The following STAB2 variants were observed in gnomAD, a reference collection of about 807,000 sequenced individuals.
The protein encoded by STAB2 is stabilin-2.
Under a neutral mutation model 338.1 loss-of-function variants are expected in STAB2, and 288 were observed. The ratio of observed to expected loss-of-function variants is 0.85; its 90% CI spans 0.77 to 0.94. The LOEUF (loss-of-function observed/expected upper bound fraction) is 0.94, where lower values mean the gene tolerates loss of function less well. Ranked by LOEUF, STAB2 falls within the 40% of genes least tolerant of loss-of-function variation. STAB2 has a pLI of 0.00. For missense variants in STAB2, 3,141 were observed against 3,210.1 expected, an observed-to-expected ratio of 0.98 and a Z score of 0.52; for synonymous variants, 1,202 against 1,193.3, an observed-to-expected ratio of 1.01 and a Z score of -0.15.
intron 23 of STAB2, among the ~76,000 whole-genome samples, chr12:103,675,631 CAG>C (rs1876265439): frequency 6.6e-6 from 1 of 152,248 alleles, no homozygotes; most frequent in Non-Finnish European, 1.5e-5. Flanking sequence ...ATTTAACCTT[CAG>C]CCTTATATGG....
chr12:103,620,340 C>A, intron 3 of STAB2, 128 bp from the exon 4 acceptor site: 1 of 804,232 alleles, frequency 1.2e-6, no homozygotes, highest in Non-Finnish European at 2.0e-6. Flanking sequence ...CCCTAGATGA[C>A]ACCAACAGGT....
At chr12:103,680,565 CCA>C (rs1876806084) in intron 25 of STAB2, among the ~76,000 whole-genome samples, 1 of 152,218 alleles carries the variant, frequency 6.6e-6, no homozygotes, top group South Asian at 2.1e-4. Context: ...CTCCAAAAAG[CCA>C]GGATTCATTC....
chr12:103,666,370 C>T lies in STAB2; in HGVS notation c.2085+17C>T. 6.2e-7 allele frequency: 1 copy of T among 1,614,030 alleles called. No homozygotes were observed. Among genetic ancestry groups the T allele is most frequent in the Non-Finnish European group, 8.5e-7 (1 of 1,179,870 alleles). ...GAGCCCACAGTGAGTGTGACAGCTTCATGAAAGCACAGATCACCCAAGCAG... is the reference window on the plus strand; with the variant it reads ...GAGCCCACAGTGAGTGTGACAGCTTTATGAAAGCACAGATCACCCAAGCAG... On this transcript the variant is annotated intron_variant, in intron 19 of 68. Coordinates refer to ENST00000388887, the MANE Select transcript of STAB2 (RefSeq NM_017564.10).
intron 3 of STAB2, among the ~76,000 whole-genome samples, chr12:103,617,244 T>G (rs1195128381): frequency 2.6e-5 from 4 of 152,206 alleles, no homozygotes; most frequent in Admixed American, 6.5e-5. Flanking sequence ...CGCACTAGAC[T>G]GGTAGGATCA....
chr12:103,685,182 T>C (rs1357562179), intron 27 of STAB2, 98 bp downstream of exon 27: 10 of 1,151,920 alleles, frequency 8.7e-6, no homozygotes, highest in Non-Finnish European at 1.3e-5. Flanking sequence ...TATCTTTTGC[T>C]GCAGGAGATT....
chr12:103,746,882 C>T (rs1052151024), intron 58 of STAB2, among the ~76,000 whole-genome samples, 178 bp downstream of exon 58: 1 of 152,058 alleles, frequency 6.6e-6, no homozygotes, highest in African/African-American at 2.4e-5. Context: ...TCTGCTCACC[C>T]TCTAGGTCAG....
chr12:103,713,821 A>G (rs1593272626), intron 42 of STAB2, 53 bp downstream of exon 42: 2 of 1,602,808 alleles, frequency 1.2e-6, no homozygotes, highest in Non-Finnish European at 1.7e-6. Context: ...TCATAGCCCT[A>G]TTAAATGATT....
chr12:103,639,704 CAAAAA>C (rs11449305), intron 8 of STAB2, among the ~76,000 whole-genome samples: 2 of 92,274 alleles, frequency 2.2e-5, no homozygotes, highest in African/African-American at 4.5e-5. Context: ...GACCCTGTCT[CAAAAA>C]AAAAAAAAAA....
At chr12:103,725,972 G>C in intron 45 of STAB2, 144 bp from the exon 46 acceptor site, 1 of 680,154 alleles carries the variant, frequency 1.5e-6, no homozygotes, top group Middle Eastern at 2.6e-4. Flanking sequence ...AACGTTAATT[G>C]TCAGCCTACA....
chr12:103,627,126 C>G (rs1234512419), intron 5 of STAB2, among the ~76,000 whole-genome samples: 2 of 152,172 alleles, frequency 1.3e-5, no homozygotes, highest in African/African-American at 4.8e-5. Flanking sequence ...GAGGGTTGCT[C>G]AAGGCCATGC....
rs186643587 is a variant in STAB2 at position 103,646,851 on chromosome 12, T to G, written c.1041-1839T>G. Among the ~76,000 whole-genome samples the G allele has an allele frequency of 2.0e-3, 305 of 152,146 alleles. 2 individuals are homozygous for G. The highest frequency in any genetic ancestry group is 7.0e-3 in the African/African-American group (289 of 41,490). On this transcript the variant is annotated intron_variant, in intron 9 of 68. Coordinates refer to ENST00000388887, the MANE Select transcript of STAB2 (RefSeq NM_017564.10). ...GCAGAAGAGACAATGTCTCCAGAGG[T>G]AGTTCTGGTGGATAGGGTTGTGATA...
chr12:103,743,939 G>T (rs780985800), intron 56 of STAB2, among the ~76,000 whole-genome samples: 1 of 152,158 alleles, frequency 6.6e-6, no homozygotes, highest in Admixed American at 6.5e-5. Context: ...GTGACAGGAG[G>T]CCAGCAAAGG....
At position 103,740,743 on chromosome 12, in the gene STAB2, G is replaced by A; in HGVS notation, c.5868G>A (p.Gly1956=). ...CCAGGTGCTGCAAGGGCTACTTCGG[G>A]CGAGACTGTCAGGGTGAGGGTGCCT... ...QIPRCCKGYF[G]RDCQACPGGP... Residue 1956 remains glycine (G), a synonymous_variant, in exon 55 of 69, where the codon GGG becomes GGA. Transcript: ENST00000388887. 1 of 1,587,208 alleles carries A rather than the reference G, an allele frequency of 6.3e-7. No homozygotes were observed. Among genetic ancestry groups the A allele is most frequent in the African/African-American group, 1.4e-5 (1 of 73,326 alleles).
intron 47 of STAB2, 73 bp downstream of exon 47, chr12:103,727,423 C>A: frequency 6.6e-7 from 1 of 1,516,860 alleles, no homozygotes; most frequent in Admixed American, 1.7e-5. Flanking sequence ...GCCCTGGAAC[C>A]AAGACTGGAG....
Position 103,736,159 on chromosome 12 carries a change from T to C in STAB2, c.5550+579T>C, listed in dbSNP as rs780420294. Among the ~76,000 whole-genome samples the C allele has an allele frequency of 8.9e-4, 136 of 152,246 alleles. 3 individuals carry two copies. The highest frequency in any genetic ancestry group is 2.2e-4 in the Non-Finnish European group (15 of 68,048). Reference sequence around the variant, plus strand: ...CCTGTGACTTAAATATATAAGGATTTATTCTCTTTCATAAAAGAAATCTTT... The same window carrying C: ...CCTGTGACTTAAATATATAAGGATTCATTCTCTTTCATAAAAGAAATCTTT... On this transcript the variant is annotated intron_variant, in intron 52 of 68. Coordinates refer to ENST00000388887, the MANE Select transcript of STAB2 (RefSeq NM_017564.10).
chr12:103,656,913 C>G (rs997342597), intron 15 of STAB2, among the ~76,000 whole-genome samples: 4 of 151,502 alleles, frequency 2.6e-5, no homozygotes, highest in African/African-American at 9.7e-5. Context: ...GTCTCGATCT[C>G]CTGACCTCAT....
intron 46 of STAB2, 44 bp from the exon 47 acceptor site, chr12:103,727,223 G>A (rs1881277234): frequency 6.2e-7 from 1 of 1,605,438 alleles, no homozygotes; most frequent in African/African-American, 1.3e-5. Context: ...GGCATGTATT[G>A]ATGTTAAGTG....
chr12:103,634,877 C>T (rs1957518850), intron 6 of STAB2, among the ~76,000 whole-genome samples: 1 of 152,198 alleles, frequency 6.6e-6, no homozygotes, highest in Admixed American at 6.5e-5. Context: ...TATGAAAGTC[C>T]AGGAAAAATA....
chr12:103,619,325 T>C (rs1002423523), intron 3 of STAB2, among the ~76,000 whole-genome samples: 1 of 152,144 alleles, frequency 6.6e-6, no homozygotes, highest in Non-Finnish European at 1.5e-5. Flanking sequence ...TCAGAGCTCA[T>C]CCATATTGGC....
Sources: gnomAD v4.1 joint callset for allele counts (sites outside exome capture counted in the v4.1 genomes callset) on GRCh38, gnomAD v4.1.1 for gene constraint, MANE v1.5 for transcripts, NCBI Gene and HGNC (gene_info 2026-07-23, HGNC 2026-07-21) for gene names.